ITPRID1: variants seen among roughly 807,000 people sequenced by gnomAD.
ITPRID1 encodes the protein ITPR interacting domain containing 1, also known as protein ITPRID1.
ITPRID1 carries 96 observed loss-of-function variants against 95.4 expected under a neutral mutation model. That is an observed-to-expected ratio of 1.01 (90% CI 0.85 to 1.19). ITPRID1 has a LOEUF of 1.19. Ranked by LOEUF, ITPRID1 falls within the 50% of genes most tolerant of loss-of-function variation. The probability of loss-of-function intolerance (pLI) is 0.00; values close to 1 mark genes in which losing one functional copy is unlikely to be tolerated. For missense variants in ITPRID1, 1,339 were observed against 1,252.9 expected (o/e 1.07, Z -1.04); for synonymous variants, 510 against 453.6 (o/e 1.12, Z -1.58).
chr7:31,647,814 A>AC (rs1364969170), intron 12 of ITPRID1, among the ~76,000 whole-genome samples: 9 of 152,078 alleles, frequency 5.9e-5, no homozygotes, highest in Admixed American at 3.3e-4. Flanking sequence ...TCATTATCTT[A>AC]CCCCCCTAAT....
chr7:31,540,967 T>C (rs1450833743), intron 1 of ITPRID1, among the ~76,000 whole-genome samples: 1 of 152,172 alleles, frequency 6.6e-6, no homozygotes, highest in Non-Finnish European at 1.5e-5. Context: ...TTGGTAAAAA[T>C]AACCAGTTTT....
intron 10 of ITPRID1, among the ~76,000 whole-genome samples, chr7:31,596,426 C>G (rs1345282172): frequency 6.6e-6 from 1 of 151,308 alleles, no homozygotes. Context: ...TGATACATTT[C>G]ACTTATGAAA....
intron 10 of ITPRID1, among the ~76,000 whole-genome samples, chr7:31,616,745 A>G (rs1451381456): frequency 5.9e-5 from 9 of 152,192 alleles, no homozygotes; most frequent in Non-Finnish European, 2.9e-5. Flanking sequence ...GATTATGTAC[A>G]GGTGAATGAG....
intron 9 of ITPRID1, among the ~76,000 whole-genome samples, chr7:31,581,383 C>T (rs1309410736): frequency 6.6e-6 from 1 of 152,146 alleles, no homozygotes; most frequent in East Asian, 1.9e-4. Flanking sequence ...ATTGAGTCAG[C>T]CCCTCTCTTT....
At chr7:31,609,441 C>A (rs1786769926) in intron 10 of ITPRID1, among the ~76,000 whole-genome samples, 1 of 151,504 alleles carries the variant, frequency 6.6e-6, no homozygotes, top group Admixed American at 6.6e-5. Context: ...CTGAAATTTT[C>A]TTTGTGGACT....
chr7:31,606,631 T>A (rs1453488940), intron 10 of ITPRID1, among the ~76,000 whole-genome samples: 2 of 152,190 alleles, frequency 1.3e-5, no homozygotes, highest in Non-Finnish European at 2.9e-5. Context: ...AGAGAAATTT[T>A]AAAAAATTCT....
intron 1 of ITPRID1, among the ~76,000 whole-genome samples, chr7:31,532,279 A>G (rs1783622732): frequency 6.6e-6 from 1 of 152,168 alleles, no homozygotes; most frequent in African/African-American, 2.4e-5. Flanking sequence ...TATTAGAAAA[A>G]GTGTTCTTTT....
chr7:31,634,588 A>G (rs1482485261), intron 10 of ITPRID1, among the ~76,000 whole-genome samples: 1 of 152,184 alleles, frequency 6.6e-6, no homozygotes, highest in African/African-American at 2.4e-5. Context: ...TAGATGGTTC[A>G]GCATGGAGCC....
chr7:31,621,614 C>T (rs1253245952), intron 10 of ITPRID1, among the ~76,000 whole-genome samples: 4 of 148,504 alleles, frequency 2.7e-5, no homozygotes, highest in African/African-American at 1.0e-4. Flanking sequence ...AAGCACTAAA[C>T]ATGGAAAGGA....
intron 10 of ITPRID1, among the ~76,000 whole-genome samples, chr7:31,640,217 G>A (rs1231938293): frequency 6.6e-6 from 1 of 152,190 alleles, no homozygotes; most frequent in African/African-American, 2.4e-5. Context: ...CTGTGAAATA[G>A]GAGGTTTTGC....
chr7:31,563,923 C>T (rs1784707775), intron 5 of ITPRID1, among the ~76,000 whole-genome samples: 1 of 152,052 alleles, frequency 6.6e-6, no homozygotes, highest in African/African-American at 2.4e-5. Context: ...AATAATTTGC[C>T]AACTGAGACA....
At chr7:31,630,244 C>CAAAAAAA (rs71557496) in intron 10 of ITPRID1, among the ~76,000 whole-genome samples, 1 of 103,714 alleles carries the variant, frequency 9.6e-6, no homozygotes, top group Non-Finnish European at 1.8e-5. Flanking sequence ...GTCTACTTGG[C>CAAAAAAA]AAAAAAAAAA....
At position 31,642,941 on chromosome 7, in the gene ITPRID1, G is replaced by A. The variant is rs139246994; in HGVS notation, c.1571G>A (p.Cys524Tyr). ...PPELYIPDMA[C>Y]AKTTTRGECP... ...GAGCTGTATATCCCAGACATGGCCT[G>A]TGCCAAGACCACCACGAGGGGAGAA... The change falls in exon 12 of 15, where the codon TGT becomes TAT. Residue 524 changes from cysteine to tyrosine, a missense_variant. Cys to Tyr is a radical substitution (Grantham distance 194). Coordinates refer to ENST00000615280, the MANE Select transcript of ITPRID1 (RefSeq NM_001257967.3). 3 of 1,614,040 alleles carry A rather than the reference G, an allele frequency of 1.9e-6. No individual in the cohort carries two copies. The highest frequency in any genetic ancestry group is 2.2e-5 in the East Asian group (1 of 44,876).
At chr7:31,629,164 C>G (rs552195921) in intron 10 of ITPRID1, among the ~76,000 whole-genome samples, 3 of 152,318 alleles carry the variant, frequency 2.0e-5, no homozygotes, top group Admixed American at 6.5e-5. Flanking sequence ...TGTCATTGCA[C>G]TCTTCCAGGA....
At position 31,520,562 on chromosome 7, in the gene ITPRID1, TGTGAGA is replaced by T. The variant is rs767113853; in HGVS notation, c.-98+6444_-98+6449del. Among the ~76,000 whole-genome samples, 588 of 50,170 alleles carry T rather than the reference TGTGAGA, an allele frequency of 0.012. 4 individuals carry two copies. The East Asian group carries it at 0.16, about 14-fold the overall frequency. The allele number at this position is 50,170 out of a possible 152,430, so 32.9% of individuals were successfully genotyped here. A position where few individuals can be genotyped will look rare whatever the true frequency, so the allele number is the denominator to read the frequency against. On this transcript the variant is annotated intron_variant, in intron 1 of 14. Transcript: ENST00000615280. ...GTGTGTGTGTGTGTGTGTGTGTGTG[TGTGAGA>T]GAGAGAGAGAGAGTTTGGCACTTTT...
chr7:31,519,620 C>CTCTCTCCATA, intron 1 of ITPRID1, among the ~76,000 whole-genome samples: 4 of 25,254 alleles, frequency 1.6e-4, no homozygotes, highest in Non-Finnish European at 2.2e-4. Flanking sequence ...CTCTCTCTCT[C>CTCTCTCCATA]TATATATATA....
chr7:31,523,438 T>C (rs1196982716), intron 1 of ITPRID1, among the ~76,000 whole-genome samples: 1 of 152,198 alleles, frequency 6.6e-6, no homozygotes, highest in Non-Finnish European at 1.5e-5. Context: ...CCAACTAAAC[T>C]GAGGGTGATT....
chr7:31,565,956 A>C (rs1295956921), intron 5 of ITPRID1, among the ~76,000 whole-genome samples: 1 of 152,122 alleles, frequency 6.6e-6, no homozygotes, highest in African/African-American at 2.4e-5. Flanking sequence ...GTGTCATCAG[A>C]CCATGACCCA....
chr7:31,595,806 C>T (rs907783931), intron 10 of ITPRID1, among the ~76,000 whole-genome samples: 7 of 151,580 alleles, frequency 4.6e-5, no homozygotes, highest in Admixed American at 2.0e-4. Context: ...ATGTAAAATC[C>T]AAGCACTAAA....
Sources: gnomAD v4.1 joint callset for allele counts (sites outside exome capture counted in the v4.1 genomes callset) on GRCh38, gnomAD v4.1.1 for gene constraint, MANE v1.5 for transcripts, NCBI Gene and HGNC (gene_info 2026-07-23, HGNC 2026-07-21) for gene names.